Variants in CARD10 observed in about 807,000 individuals in gnomAD.
CARD10 encodes the protein caspase recruitment domain family member 10.
CARD10 carries 49 observed loss-of-function variants against 114.6 expected under a neutral mutation model. That is an observed-to-expected ratio of 0.43 (90% CI 0.34 to 0.54). The LOEUF is 0.54. Among genes scored for constraint, CARD10 ranks in the 20% least tolerant of loss-of-function variants. The pLI is 0.03. For synonymous variants in CARD10, 602 were observed against 593.2 expected (o/e 1.01, Z -0.21); for missense variants, 1,206 against 1,397.2 (o/e 0.86, Z 2.18).
chr22:37,491,076 G>T lies in CARD10; in HGVS notation c.*83C>A. Reference sequence around the variant, plus strand: ...TCTGAGAGTCCAAGGGTCTAGGAAGGCTCAGGGTGGGAGGGCCCAGCTTCA... The same window carrying T: ...TCTGAGAGTCCAAGGGTCTAGGAAGTCTCAGGGTGGGAGGGCCCAGCTTCA... On this transcript the variant is annotated 3_prime_UTR_variant, in exon 20 of 20. Coordinates refer to ENST00000251973, the MANE Select transcript of CARD10 (RefSeq NM_014550.4). 8.9e-7 allele frequency: 1 copy of T among 1,118,076 alleles called. No homozygotes were observed. The highest frequency in any genetic ancestry group is 1.3e-6 in the Non-Finnish European group (1 of 771,096). 69.3% of individuals were successfully genotyped at this position (1,118,076 alleles called of 1,614,324 possible). A position where few individuals can be genotyped will look rare whatever the true frequency, so the allele number is the denominator to read the frequency against.
At chr22:37,499,889 G>C (rs1307168422) in intron 11 of CARD10, among the ~76,000 whole-genome samples, 2 of 152,114 alleles carry the variant, frequency 1.3e-5, no homozygotes, top group Non-Finnish European at 2.9e-5. Flanking sequence ...GGGACTGGCT[G>C]ACCAGCTGGC....
Position 37,506,270 on chromosome 22 carries a change from T to G in CARD10, c.1305A>C (p.Thr435=). Residue 435 remains threonine, a synonymous_variant, in exon 7 of 20, where the codon ACA becomes ACC. Coordinates refer to ENST00000251973, the MANE Select transcript of CARD10 (RefSeq NM_014550.4). ...TGGTGCCCTCCAGGCTGGTGAGCGTTGTCAGCAGCTCATCCCGCTCCGCCT... is the reference window on the plus strand; with the variant it reads ...TGGTGCCCTCCAGGCTGGTGAGCGTGGTCAGCAGCTCATCCCGCTCCGCCT... ...GLEAERDELL[T]TLTSLEGTKA... 1 of 1,609,556 alleles carries G rather than the reference T, an allele frequency of 6.2e-7. No homozygotes were observed. Among genetic ancestry groups the G allele is most frequent in the South Asian group, 1.1e-5 (1 of 89,666 alleles).
intron 11 of CARD10, among the ~76,000 whole-genome samples, chr22:37,498,054 G>A (rs1923072000): frequency 6.6e-6 from 1 of 152,154 alleles, no homozygotes; most frequent in Non-Finnish European, 1.5e-5. Flanking sequence ...CCAGGCTGAA[G>A]GAATATATCA....
In CARD10 at chr22:37,497,074, GC is replaced by G; in HGVS notation, c.1891del (p.Ala631LeufsTer52). 6.2e-7 allele frequency: 1 copy of G among 1,614,098 alleles called. No homozygotes were observed. The highest frequency in any genetic ancestry group is 8.5e-7 in the Non-Finnish European group (1 of 1,180,006). On this transcript the variant is annotated frameshift_variant, in exon 12 of 20. Transcript: ENST00000251973. LOFTEE classifies it high-confidence loss of function. ...CCCAGACAGCACCCTGCGCACCACA[GC>G]CCCAGACCATCTGTCCCCATAAAAC... ...LSFYGDRWSG[A>X]VVRRVLSGPG...
chr22:37,498,905 TG>T (rs57436795), intron 11 of CARD10, among the ~76,000 whole-genome samples: 26,109 of 75,728 alleles, frequency 0.34, 3,377 homozygotes, highest in South Asian at 0.46. Flanking sequence ...TGCTGGGGGG[TG>T]GGGGGGGGGG....
intron 6 of CARD10, among the ~76,000 whole-genome samples, chr22:37,507,312 T>C (rs986506883): frequency 2.0e-5 from 3 of 152,170 alleles, no homozygotes; most frequent in Admixed American, 1.3e-4. Flanking sequence ...TCAACTCCTC[T>C]AGTGGGATTC....
At chr22:37,517,558 C>T (rs1923881258) in intron 2 of CARD10, among the ~76,000 whole-genome samples, 1 of 152,106 alleles carries the variant, frequency 6.6e-6, no homozygotes, top group South Asian at 2.1e-4. Flanking sequence ...AGGAGAATCG[C>T]TTGAACCTGG....
intron 9 of CARD10, among the ~76,000 whole-genome samples, chr22:37,503,530 C>A (rs1219985279): frequency 2.0e-5 from 3 of 152,164 alleles, no homozygotes; most frequent in Non-Finnish European, 4.4e-5. Context: ...TCACCTCACC[C>A]TCACTTGCCA....
At position 37,496,563 on chromosome 22, in the gene CARD10, G is replaced by A. The variant is rs776672107; in HGVS notation, c.1948-3C>T. The A allele has an allele frequency of 6.2e-7, 1 of 1,608,678 alleles. No individual in the cohort carries two copies. The highest frequency in any genetic ancestry group is 8.5e-7 in the Non-Finnish European group (1 of 1,176,112). Reference sequence around the variant, plus strand: ...AGACCAGCAGCTTCCACCCTTTGCTGGGAGAAAACCCAGGCAGGGAGGGAA... The same window carrying A: ...AGACCAGCAGCTTCCACCCTTTGCTAGGAGAAAACCCAGGCAGGGAGGGAA... On this transcript the variant is annotated splice_region_variant and splice_polypyrimidine_tract_variant and intron_variant, in intron 12 of 19. Coordinates refer to ENST00000251973, the MANE Select transcript of CARD10 (RefSeq NM_014550.4). The surrounding 1 kb of genome is among the most constrained non-coding windows in gnomAD (Gnocchi z 4.1).
chr22:37,511,442 G>GAGA (rs148921138), intron 3 of CARD10, among the ~76,000 whole-genome samples: 38,392 of 131,632 alleles, frequency 0.29, 8,365 homozygotes, highest in African/African-American at 0.61. Context: ...GAGGTAGAAG[G>GAGA]AGAAGGAGGA....
chr22:37,515,991 G>C lies in CARD10; in HGVS notation c.681C>G (p.Ser227Arg), dbSNP rs749698833. 3 of 1,586,540 alleles carry C rather than the reference G, an allele frequency of 1.9e-6. No individual in the cohort carries two copies. Among genetic ancestry groups the C allele is most frequent in the Non-Finnish European group, 2.6e-6 (3 of 1,165,088 alleles). Residue 227 changes from serine (S) to arginine (R), a missense_variant, in exon 3 of 20, where the codon AGC becomes AGG. By Grantham distance (110) the Ser-to-Arg change is moderately radical. Coordinates refer to ENST00000251973, the MANE Select transcript of CARD10 (RefSeq NM_014550.4). ...SEEKNSAVLRSRDLQLAVDQL... is the reference protein window; with the variant it reads ...SEEKNSAVLRRRDLQLAVDQL... ...GGCCTACCGCCAGCTGCAGGTCACG[G>C]CTGCGAAGTACAGCCGAGTTCTTCT...
In CARD10 at chr22:37,516,177, C is replaced by G. The variant is rs1287260583; in HGVS notation, c.495G>C (p.Glu165Asp). 1.9e-6 allele frequency: 3 copies of G among 1,593,186 alleles called. No homozygotes were observed. The Admixed American group carries it at 5.2e-5, about 28-fold the overall frequency. Residue 165 changes from glutamate (E) to aspartate (D), a missense_variant, in exon 3 of 20, where the codon GAG becomes GAC. By Grantham distance (45) the Glu-to-Asp change is conservative. Coordinates refer to ENST00000251973, the MANE Select transcript of CARD10 (RefSeq NM_014550.4). ...QQLQARGRVL[E>D]EERAGLEQRL... ...GCTGCTCCAGCCCTGCCCGCTCCTC[C>G]TCGAGCACCCGGCCCCGGGCCTGCA... is the stretch of plus-strand genomic sequence containing the variant.
At chr22:37,493,613 G>A (rs568178749) in intron 16 of CARD10, among the ~76,000 whole-genome samples, 6 of 152,110 alleles carry the variant, frequency 3.9e-5, no homozygotes, top group African/African-American at 1.4e-4. Context: ...AGGCCCCCGC[G>A]GAAACTCCCT....
intron 3 of CARD10, 28 bp downstream of exon 3, chr22:37,515,945 C>T: frequency 6.6e-7 from 1 of 1,519,870 alleles, no homozygotes; most frequent in Non-Finnish European, 8.9e-7. Flanking sequence ...CTTCCCTTGC[C>T]TCCCCGACCC....
chr22:37,492,937 A>C lies in CARD10; in HGVS notation c.2477-135T>G. The C allele has an allele frequency of 1.1e-6, 1 of 877,020 alleles. No individual in the cohort carries two copies. The highest frequency in any genetic ancestry group is 1.7e-6 in the Non-Finnish European group (1 of 578,314). 54.3% of individuals were successfully genotyped at this position (877,020 alleles called of 1,614,324 possible). ...CTGCTCCTCCTACACATGCACACACACACACCCTTAGTAGGACCGACGGTG... is the reference window on the plus strand; with the variant it reads ...CTGCTCCTCCTACACATGCACACACCCACACCCTTAGTAGGACCGACGGTG... On this transcript the variant is annotated intron_variant, in intron 16 of 19. Coordinates refer to ENST00000251973, the MANE Select transcript of CARD10 (RefSeq NM_014550.4). This position sits in a 1 kb window ranked among gnomAD's most constrained non-coding sequence, Gnocchi z 5.7.
At chr22:37,505,916 T>C (rs1923388867) in intron 7 of CARD10, among the ~76,000 whole-genome samples, 1 of 152,140 alleles carries the variant, frequency 6.6e-6, no homozygotes, top group Non-Finnish European at 1.5e-5. Context: ...CTTCCCCAGT[T>C]AAATGCAAAG....
Position 37,508,668 on chromosome 22 carries a change from C to T in CARD10, c.924G>A (p.Pro308=), listed in dbSNP as rs770700943. ...GGATGCGCTCGGAGCCCGGGGCCCC[C>T]GGCCGGCTCGCCTCCTGGGGATCAC... ...QEGLQQEASR[P]GAPGSERILL... Residue 308 remains proline (P), a synonymous_variant, in exon 5 of 20, where the codon CCG becomes CCA. Transcript: ENST00000251973. 21 of 1,565,190 alleles carry T rather than the reference C, an allele frequency of 1.3e-5. No individual in the cohort carries two copies. The highest frequency in any genetic ancestry group is 2.3e-5 in the East Asian group (1 of 42,672).
chr22:37,516,313 CAG>C lies in CARD10; in HGVS notation c.374-17_374-16del, dbSNP rs780740623. Reference sequence around the variant, plus strand: ...CCCCTCCTCATCTGCCAGGACAGAACAGGGGACAGAATAGGCAGCTCAGGCAA... The same window carrying C: ...CCCCTCCTCATCTGCCAGGACAGAACGGGACAGAATAGGCAGCTCAGGCAA... On this transcript the variant is annotated splice_polypyrimidine_tract_variant and intron_variant, in intron 2 of 19. Coordinates refer to ENST00000251973, the MANE Select transcript of CARD10 (RefSeq NM_014550.4). 1 of 1,560,858 alleles carries C rather than the reference CAG, an allele frequency of 6.4e-7. No homozygotes were observed. Among genetic ancestry groups the C allele is most frequent in the East Asian group, 2.3e-5 (1 of 44,182 alleles).
At chr22:37,509,179 T>C in intron 4 of CARD10, 1 of 1,425,240 alleles carries the variant, frequency 7.0e-7, no homozygotes, top group Non-Finnish European at 9.2e-7. Flanking sequence ...CTGGCTCTCA[T>C]CCCCCACTTC....
Sources: gnomAD v4.1 joint callset for allele counts (sites outside exome capture counted in the v4.1 genomes callset) on GRCh38, gnomAD v4.1.1 for gene constraint, Gnocchi (gnomAD v3.1) non-coding constraint, MANE v1.5 for transcripts, NCBI Gene and HGNC (gene_info 2026-07-23, HGNC 2026-07-21) for gene names.